Variants in TIGIT observed in about 807,000 individuals in gnomAD.
TIGIT encodes T cell immunoreceptor with Ig and ITIM domains.
In TIGIT, 11 loss-of-function variants were observed where a neutral mutation model predicts 19.6. That is an observed-to-expected ratio of 0.56 (90% CI 0.35 to 0.93). The LOEUF (loss-of-function observed/expected upper bound fraction) is 0.93, where lower values mean the gene tolerates loss of function less well. TIGIT is among the 40% of genes least tolerant of loss of function. TIGIT has a pLI of 0.01. For missense variants in TIGIT, 295 were observed against 303.9 expected (o/e 0.97, Z 0.22); for synonymous variants, 130 against 125.5 (o/e 1.04, Z -0.24).
At chr3:114,294,366 A>C (rs537099704) in intron 1 of TIGIT, among the ~76,000 whole-genome samples, 1 of 152,300 alleles carries the variant, frequency 6.6e-6, no homozygotes, top group Admixed American at 6.5e-5. Flanking sequence ...GAGGAGCCTG[A>C]CTGGCCAGCA....
chr3:114,299,840 T>C, intron 3 of TIGIT, 137 bp downstream of exon 3: 2 of 619,896 alleles, frequency 3.2e-6, no homozygotes, highest in Non-Finnish European at 2.9e-6. Context: ...TTCCTGGCAT[T>C]TGTTCTGCCT....
At position 114,308,059 on chromosome 3, in the gene TIGIT, G is replaced by A. The variant is rs767630389; in HGVS notation, c.663G>A (p.Glu221=). 3.1e-6 allele frequency: 5 copies of A among 1,614,074 alleles called. No homozygotes were observed. In the African/African-American group the frequency reaches 6.7e-5, roughly 22 times the overall value. ...AGCAGCGGGGAGAGGACTGTGCCGA[G>A]CTGCATGACTACTTCAATGTCCTGA... is the stretch of plus-strand genomic sequence containing the variant. ...CGEQRGEDCA[E]LHDYFNVLSY... The change falls in exon 4 of 4, where the codon GAG becomes GAA. Residue 221 remains glutamate (E), a synonymous_variant. Coordinates refer to ENST00000383671, the MANE Select transcript of TIGIT (RefSeq NM_173799.4).
At chr3:114,296,618 T>A (rs1056825693) in intron 2 of TIGIT, among the ~76,000 whole-genome samples, 2 of 152,242 alleles carry the variant, frequency 1.3e-5, no homozygotes. Flanking sequence ...GAAAATGGTC[T>A]TAGAACAATG....
At chr3:114,304,866 A>C (rs936975850) in intron 3 of TIGIT, among the ~76,000 whole-genome samples, 2 of 152,174 alleles carry the variant, frequency 1.3e-5, no homozygotes, top group African/African-American at 4.8e-5. Flanking sequence ...TCCAAGTTTC[A>C]GGAGACTCCT....
At chr3:114,295,983 C>A in intron 2 of TIGIT, 109 bp downstream of exon 2, 1 of 885,276 alleles carries the variant, frequency 1.1e-6, no homozygotes, top group Non-Finnish European at 1.7e-6. Context: ...ACATTTGAAT[C>A]ACCTGAGGAG....
rs1418877500 is a variant in TIGIT, at chr3:114,310,236, G to A, written c.*2105G>A. On this transcript the variant is annotated 3_prime_UTR_variant, in exon 4 of 4. Transcript: ENST00000383671. ...TTTCAGTAGTTTTGGTATATTGTGT[G>A]TCAAAAATGATAATATTTTGGATGT... 6.6e-6 allele frequency: 1 copy of A among 152,138 alleles called. No individual in the cohort carries two copies. Among genetic ancestry groups the A allele is most frequent in the African/African-American group, 2.4e-5 (1 of 41,430 alleles). 9.4% of individuals were successfully genotyped at this position (152,138 alleles called of 1,614,324 possible).
Position 114,308,875 on chromosome 3 carries a change from C to G in TIGIT, c.*744C>G, listed in dbSNP as rs544837681. Reference sequence around the variant, plus strand: ...GTAGGAAATTCTTGGAGCTGAAAGTCCCACAAAGAAGGCCCTGGCACCAAG... The same window carrying G: ...GTAGGAAATTCTTGGAGCTGAAAGTGCCACAAAGAAGGCCCTGGCACCAAG... On this transcript the variant is annotated 3_prime_UTR_variant, in exon 4 of 4. Transcript: ENST00000383671. 1 of 152,340 alleles carries G rather than the reference C, an allele frequency of 6.6e-6. No individual in the cohort carries two copies. The highest frequency in any genetic ancestry group is 2.1e-4 in the South Asian group (1 of 4,822). The allele number at this position is 152,340 out of a possible 1,614,324, so 9.4% of individuals were successfully genotyped here.
Position 114,296,981 on chromosome 3 carries a change from G to A in TIGIT, c.391+1107G>A, listed in dbSNP as rs181669065. ...GCAATCTCAGCTCACTGCAACTTCC[G>A]CCTCCTGAGTTCAAGCGATTCTCTC... On this transcript the variant is annotated intron_variant, in intron 2 of 3. Coordinates refer to ENST00000383671, the MANE Select transcript of TIGIT (RefSeq NM_173799.4). Among the ~76,000 whole-genome samples the A allele has an allele frequency of 6.3e-5, 9 of 143,378 alleles. No individual in the cohort carries two copies. In the East Asian group the frequency reaches 1.9e-3, roughly 31 times the overall value. 94.1% of individuals were successfully genotyped at this position (143,378 alleles called of 152,430 possible).
chr3:114,308,040 G>A lies in TIGIT; in HGVS notation c.644G>A (p.Arg215Gln), dbSNP rs776434009. Residue 215 changes from arginine to glutamine, a missense_variant, in exon 4 of 4, where the codon CGG (arginine) becomes CAG (glutamine). Physicochemically the swap from Arg to Gln is conservative, Grantham distance 43. Coordinates refer to ENST00000383671, the MANE Select transcript of TIGIT (RefSeq NM_173799.4). ...AAPAGLCGEQ[R>Q]GEDCAELHDY... ...CCTGCTGGGCTCTGTGGAGAGCAGC[G>A]GGGAGAGGACTGTGCCGAGCTGCAT... The A allele has an allele frequency of 1.2e-5, 19 of 1,614,008 alleles. No homozygotes were observed. The African/African-American group carries it at 1.2e-4, about 10-fold the overall frequency.
chr3:114,297,728 A>G (rs1196797765), intron 2 of TIGIT, among the ~76,000 whole-genome samples: 1 of 152,108 alleles, frequency 6.6e-6, no homozygotes, highest in Non-Finnish European at 1.5e-5. Context: ...TGGCACGGCT[A>G]TTTCCCAGCC....
intron 3 of TIGIT, among the ~76,000 whole-genome samples, chr3:114,303,125 A>G (rs371909427): frequency 1.3e-5 from 2 of 152,060 alleles, no homozygotes; most frequent in South Asian, 2.1e-4. Flanking sequence ...ATAAATTTTT[A>G]TGTTTTAATT....
intron 1 of TIGIT, 141 bp from the exon 2 acceptor site, chr3:114,295,404 T>A (rs541462527): frequency 2.9e-6 from 2 of 695,064 alleles, no homozygotes; most frequent in Non-Finnish European, 2.6e-6. Flanking sequence ...TTACAGCCTC[T>A]ATGGAGGAGC....
At chr3:114,304,579 G>A (rs1281385485) in intron 3 of TIGIT, among the ~76,000 whole-genome samples, 2 of 152,162 alleles carry the variant, frequency 1.3e-5, no homozygotes, top group Non-Finnish European at 2.9e-5. Flanking sequence ...CAGAATTCAT[G>A]CCTAGGCATC....
At chr3:114,307,442 G>A (rs2078542951) in intron 3 of TIGIT, 1 of 171,424 alleles carries the variant, frequency 5.8e-6, no homozygotes, top group Non-Finnish European at 1.2e-5. Context: ...GGAACCCCAC[G>A]GTTTGGGGAG....
chr3:114,308,182 T>A lies in TIGIT; in HGVS notation c.*51T>A. On this transcript the variant is annotated 3_prime_UTR_variant, in exon 4 of 4. Coordinates refer to ENST00000383671, the MANE Select transcript of TIGIT (RefSeq NM_173799.4). ...ACACTTTTGTCTTTGCTATTATAGA[T>A]GAATATATAAGCAGCTGTACTCTCC... 1.4e-6 allele frequency: 2 copies of A among 1,463,174 alleles called. No individual in the cohort carries two copies. Among genetic ancestry groups the A allele is most frequent in the South Asian group, 1.2e-5 (1 of 84,628 alleles). The allele number at this position is 1,463,174 out of a possible 1,614,324, so 90.6% of individuals were successfully genotyped here.
chr3:114,304,399 TC>T (rs1010507641), intron 3 of TIGIT, among the ~76,000 whole-genome samples: 1 of 152,236 alleles, frequency 6.6e-6, no homozygotes, highest in African/African-American at 2.4e-5. Context: ...AGCATTTTGT[TC>T]CCCTTTTCCA....
At chr3:114,302,613 T>G (rs1330488251) in intron 3 of TIGIT, among the ~76,000 whole-genome samples, 1 of 152,218 alleles carries the variant, frequency 6.6e-6, no homozygotes, top group Non-Finnish European at 1.5e-5. Flanking sequence ...CTGTACTATT[T>G]TGGGATCTCC....
chr3:114,295,830 GGAC>G lies in TIGIT; in HGVS notation c.349_351del (p.Thr117del). ...TGCATCTATCACACCTACCCTGATGGGACGTACACTGGGAGAATCTTCCTGGAG... is the reference window on the plus strand; with the variant it reads ...TGCATCTATCACACCTACCCTGATGGGTACACTGGGAGAATCTTCCTGGAG... On this transcript the variant is annotated inframe_deletion, in exon 2 of 4. Coordinates refer to ENST00000383671, the MANE Select transcript of TIGIT (RefSeq NM_173799.4). 1 of 1,610,982 alleles carries G rather than the reference GGAC, an allele frequency of 6.2e-7. No homozygotes were observed. The highest frequency in any genetic ancestry group is 8.5e-7 in the Non-Finnish European group (1 of 1,177,542).
chr3:114,309,616 T>G lies in TIGIT; in HGVS notation c.*1485T>G. ...TACCAAATGGGTTACATAGGAAGAA[T>G]GAACTGAAATCTGTCCAGAGCTCCA... On this transcript the variant is annotated 3_prime_UTR_variant, in exon 4 of 4. Transcript: ENST00000383671. The G allele has an allele frequency of 6.6e-6, 1 of 152,224 alleles. No homozygotes were observed. Among genetic ancestry groups the G allele is most frequent in the Middle Eastern group, 3.2e-3 (1 of 316 alleles). The allele number at this position is 152,224 out of a possible 1,614,324, so 9.4% of individuals were successfully genotyped here.
Sources: gnomAD v4.1 joint callset for allele counts (sites outside exome capture counted in the v4.1 genomes callset) on GRCh38, gnomAD v4.1.1 for gene constraint, MANE v1.5 for transcripts, NCBI Gene and HGNC (gene_info 2026-07-23, HGNC 2026-07-21) for gene names.